NDUFA10: variants seen among roughly 807,000 people sequenced by gnomAD.
The protein encoded by NDUFA10 is NADH:ubiquinone oxidoreductase subunit A10.
NDUFA10 carries 40 observed loss-of-function variants against 47.8 expected under a neutral mutation model. The ratio of observed to expected loss-of-function variants is 0.84; its 90% CI spans 0.65 to 1.09. The LOEUF is 1.09. Ranked by LOEUF, NDUFA10 falls within the 50% of genes least tolerant of loss-of-function variation. The pLI is 0.00. For synonymous variants in NDUFA10, 183 were observed against 172.2 expected, an observed-to-expected ratio of 1.06 and a Z score of -0.49; for missense variants, 413 against 451.1, an observed-to-expected ratio of 0.92 and a Z score of 0.76.
At chr2:239,985,474 CAAAA>C (rs879441423) in intron 9 of NDUFA10, among the ~76,000 whole-genome samples, 2 of 120,564 alleles carry the variant, frequency 1.7e-5, no homozygotes, top group African/African-American at 3.1e-5. Context: ...GATGCACACT[CAAAA>C]AAAAAAAAAA....
chr2:239,944,185 G>A, intron 4 of NDUFA10, among the ~76,000 whole-genome samples: 1 of 152,342 alleles, frequency 6.6e-6, no homozygotes, highest in East Asian at 1.9e-4. Flanking sequence ...ACCCCCTCCT[G>A]GCATTGTTAT....
rs772569594 is a variant in NDUFA10 at position 240,022,303 on chromosome 2, T to A, written c.113A>T (p.Tyr38Phe). ...CCCAAGTAGGAAATGCCACATTCCA[T>A]AGCGCAGTTTGCACTGCACACTGCT... Reference protein sequence around the residue: ...IHSSVQCKLRYGMWHFLLGDK... With the variant: ...IHSSVQCKLRFGMWHFLLGDK... Residue 38 changes from tyrosine to phenylalanine, a missense_variant, in exon 2 of 10, where the codon TAT becomes TTT. Physicochemically the swap from Tyr to Phe is conservative, Grantham distance 22. Transcript: ENST00000252711. The A allele has an allele frequency of 6.0e-5, 97 of 1,613,990 alleles. No homozygotes were observed. The highest frequency in any genetic ancestry group is 8.1e-5 in the Non-Finnish European group (95 of 1,180,020).
Position 239,899,433 on chromosome 2 carries a change from AGGAATGTG to A in NDUFA10, c.295-4127_295-4120del, listed in dbSNP as rs1443045758. Reference sequence around the variant, plus strand: ...GAGGTGTGATGGAGGGGTGTGATGGAGGAATGTGGAGGGTTGTGATGGAGGGGTGTGAC... The same window carrying A: ...GAGGTGTGATGGAGGGGTGTGATGGAGAGGGTTGTGATGGAGGGGTGTGAC... On this transcript the variant is annotated intron_variant, in intron 4 of 5. Coordinates refer to the NDUFA10 transcript ENST00000419408. 1.2e-3 allele frequency among the ~76,000 whole-genome samples: 108 copies of A among 90,768 alleles called. 5 individuals carry two copies. The highest frequency in any genetic ancestry group is 4.2e-3 in the African/African-American group (106 of 24,982). The allele number at this position is 90,768 out of a possible 152,430, so 59.5% of individuals were successfully genotyped here.
chr2:240,000,051 C>T (rs762011580), intron 8 of NDUFA10, among the ~76,000 whole-genome samples: 1 of 152,228 alleles, frequency 6.6e-6, no homozygotes, highest in Non-Finnish European at 1.5e-5. Context: ...CACTGCCAGT[C>T]GTGGAAGAGT....
chr2:240,006,169 A>T (rs2106472864), intron 7 of NDUFA10, among the ~76,000 whole-genome samples: 1 of 152,340 alleles, frequency 6.6e-6, no homozygotes, highest in South Asian at 2.1e-4. Context: ...ATAACATAGT[A>T]TTGGAGACAA....
chr2:239,921,164 G>A (rs968546655), intron 4 of NDUFA10, among the ~76,000 whole-genome samples: 7 of 152,102 alleles, frequency 4.6e-5, no homozygotes, highest in African/African-American at 1.2e-4. Flanking sequence ...TGCAGGAACC[G>A]GGGCATGAGC....
At chr2:239,920,856 G>A (rs1450957866) in intron 4 of NDUFA10, among the ~76,000 whole-genome samples, 3 of 152,206 alleles carry the variant, frequency 2.0e-5, no homozygotes, top group Non-Finnish European at 4.4e-5. Flanking sequence ...GGGTGGGGTC[G>A]TCTGAGGTGC....
chr2:240,019,774 C>A (rs556090832), intron 3 of NDUFA10, among the ~76,000 whole-genome samples: 2 of 26,978 alleles, frequency 7.4e-5, no homozygotes, highest in African/African-American at 2.8e-4. Context: ...AGCCGAGATC[C>A]CGCCACTGCA....
intron 4 of NDUFA10, among the ~76,000 whole-genome samples, chr2:239,919,908 G>A (rs138865630): frequency 0.011 from 1,664 of 152,264 alleles, 41 homozygotes; most frequent in African/African-American, 0.038. Context: ...GAGGCAAGGA[G>A]GCTGGTGCCC....
intron 9 of NDUFA10, among the ~76,000 whole-genome samples, chr2:239,980,359 C>A (rs1695723116): frequency 6.6e-6 from 1 of 152,184 alleles, no homozygotes. Flanking sequence ...CTTAGCACTC[C>A]CAAGATGCCT....
At position 239,999,272 on chromosome 2, in the gene NDUFA10, C is replaced by T. The variant is rs537262205; in HGVS notation, c.890+5938G>A. Among the ~76,000 whole-genome samples the T allele has an allele frequency of 1.4e-4, 22 of 152,322 alleles. No homozygotes were observed. In the East Asian group the frequency reaches 3.9e-3, roughly 27 times the overall value. ...CGTTTTCATTCTGGACAGGGAACAA[C>T]GGTGAATGCCGACCGTCCTCTGCAT... is the stretch of plus-strand genomic sequence containing the variant. On this transcript the variant is annotated intron_variant, in intron 8 of 9. Coordinates refer to ENST00000252711, the MANE Select transcript of NDUFA10 (RefSeq NM_004544.4).
intron 9 of NDUFA10, among the ~76,000 whole-genome samples, chr2:239,963,062 T>C (rs1574816248): frequency 6.6e-6 from 1 of 151,574 alleles, no homozygotes; most frequent in Admixed American, 6.6e-5. Context: ...GGGGGGAGGG[T>C]GGCACAGCCA....
chr2:239,977,110 T>C (rs935471363), intron 9 of NDUFA10, among the ~76,000 whole-genome samples: 1 of 152,134 alleles, frequency 6.6e-6, no homozygotes, highest in Non-Finnish European at 1.5e-5. Context: ...AAACTCAGAC[T>C]GGAAGCCAGG....
intron 9 of NDUFA10, among the ~76,000 whole-genome samples, chr2:239,963,896 G>C (rs1215765413): frequency 6.6e-6 from 1 of 152,200 alleles, no homozygotes; most frequent in African/African-American, 2.4e-5. Flanking sequence ...GACCACGCGT[G>C]ACATACGGGG....
chr2:239,895,713 C>T (rs960491102), intron 4 of NDUFA10, among the ~76,000 whole-genome samples: 1 of 152,216 alleles, frequency 6.6e-6, no homozygotes, highest in African/African-American at 2.4e-5. Context: ...TGCAGAAACA[C>T]AGAGATTACA....
In NDUFA10 at chr2:239,941,562, C is replaced by A. The variant is rs527259015; in HGVS notation, c.295-46248G>T. Among the ~76,000 whole-genome samples the A allele has an allele frequency of 2.6e-5, 4 of 152,176 alleles. No homozygotes were observed. In the East Asian group the frequency reaches 7.7e-4, roughly 29 times the overall value. ...CCAATATGGTAAAACTCCATCTCTA[C>A]TAAAAATACAAAAATTAGCTGGGCA... is the stretch of plus-strand genomic sequence containing the variant. On this transcript the variant is annotated intron_variant, in intron 4 of 5. Transcript: ENST00000419408.
At chr2:239,894,392 C>T (rs1256271452) in intron 5 of NDUFA10, among the ~76,000 whole-genome samples, 1 of 150,640 alleles carries the variant, frequency 6.6e-6, no homozygotes, top group Admixed American at 6.6e-5. Context: ...TCAGCTCCAT[C>T]ATCCCAGCCT....
intron 4 of NDUFA10, among the ~76,000 whole-genome samples, chr2:240,015,653 C>T (rs930271201): frequency 2.0e-5 from 3 of 152,204 alleles, no homozygotes; most frequent in African/African-American, 4.8e-5. Context: ...CCCGTGCCAC[C>T]CAAGGGAACC....
At chr2:239,929,626 C>T (rs935448916) in intron 4 of NDUFA10, among the ~76,000 whole-genome samples, 1 of 151,964 alleles carries the variant, frequency 6.6e-6, no homozygotes, top group Non-Finnish European at 1.5e-5. Context: ...CCCTGCTCCT[C>T]CACTGCTCTT....
Sources: allele counts gnomAD v4.1 joint callset (sites outside exome capture counted in the v4.1 genomes callset), GRCh38; gene constraint gnomAD v4.1.1; transcripts MANE v1.5; gene names NCBI Gene and HGNC (gene_info 2026-07-23, HGNC 2026-07-21).